The following USP4 variants were observed in gnomAD, a reference collection of about 807,000 sequenced individuals.
USP4 encodes ubiquitin carboxyl-terminal hydrolase 4.
In USP4, 72 loss-of-function variants were observed where a neutral mutation model predicts 118.2. That is an observed-to-expected ratio of 0.61 (90% CI 0.50 to 0.74). USP4 has a LOEUF of 0.74. Ranked by LOEUF, USP4 falls within the 30% of genes least tolerant of loss-of-function variation. USP4 has a pLI of 0.00. For synonymous variants in USP4, 415 were observed against 440.4 expected (o/e 0.94, Z 0.72); for missense variants, 1,037 against 1,185.7 (o/e 0.87, Z 1.84).
chr3:49,288,632 G>T (rs563912129), intron 15 of USP4, among the ~76,000 whole-genome samples: 1 of 152,032 alleles, frequency 6.6e-6, no homozygotes, highest in African/African-American at 2.4e-5. Flanking sequence ...CTGAGATCAC[G>T]CCATTGTATT....
rs140982038 is a variant in USP4 at position 49,335,752 on chromosome 3, C to T, written c.102-156G>A. Among the ~76,000 whole-genome samples, 19 of 152,368 alleles carry T rather than the reference C, an allele frequency of 1.2e-4. No homozygotes were observed. In the East Asian group the frequency reaches 3.5e-3, roughly 28 times the overall value. On this transcript the variant is annotated intron_variant, in intron 1 of 21. Coordinates refer to ENST00000265560, the MANE Select transcript of USP4 (RefSeq NM_003363.4). ...GAGCAAGAGCAGGGCCCAGGCCCCA[C>T]ATGGCACAGAGAGTCTGGCCCAGGG...
intron 3 of USP4, among the ~76,000 whole-genome samples, chr3:49,326,726 C>T (rs972603673): frequency 1.4e-5 from 2 of 141,536 alleles, no homozygotes; most frequent in African/African-American, 2.6e-5. Flanking sequence ...TTTTTGCAAC[C>T]GAGTCTCACT....
At chr3:49,292,400 C>T in intron 15 of USP4, 110 bp downstream of exon 15, 1 of 622,062 alleles carries the variant, frequency 1.6e-6, no homozygotes, top group Non-Finnish European at 2.6e-6. Flanking sequence ...GTAGGCAGAG[C>T]CCCAACCCAG....
chr3:49,277,283 A>T lies in USP4; in HGVS notation c.*1010T>A. On this transcript the variant is annotated 3_prime_UTR_variant, in exon 22 of 22. Transcript: ENST00000265560. ...CGGATTAGGTTGAAGGTCAGACAAA[A>T]AATCCCGGACCCATACGTCCGGTTC... 7.9e-7 allele frequency: 1 copy of T among 1,266,888 alleles called. No individual in the cohort carries two copies. The highest frequency in any genetic ancestry group is 1.2e-5 in the South Asian group (1 of 80,268). 78.5% of individuals were successfully genotyped at this position (1,266,888 alleles called of 1,614,324 possible).
chr3:49,277,297 T>TA lies in USP4; in HGVS notation c.*995dup. Reference sequence around the variant, plus strand: ...GGTCAGACAAAAAATCCCGGACCCATACGTCCGGTTCCTTAAGGCCTTGCC... The same window carrying TA: ...GGTCAGACAAAAAATCCCGGACCCATAACGTCCGGTTCCTTAAGGCCTTGCC... On this transcript the variant is annotated 3_prime_UTR_variant, in exon 22 of 22. Transcript: ENST00000265560. The TA allele has an allele frequency of 1.6e-6, 2 of 1,226,360 alleles. No homozygotes were observed. Among genetic ancestry groups the TA allele is most frequent in the Non-Finnish European group, 2.1e-6 (2 of 934,068 alleles). 76.0% of individuals were successfully genotyped at this position (1,226,360 alleles called of 1,614,324 possible).
Position 49,297,973 on chromosome 3 carries a change from G to A in USP4, c.1597-9C>T, listed in dbSNP as rs752067380. The A allele has an allele frequency of 1.3e-6, 2 of 1,595,462 alleles. No individual in the cohort carries two copies. The highest frequency in any genetic ancestry group is 2.2e-5 in the South Asian group (2 of 90,676). On this transcript the variant is annotated splice_polypyrimidine_tract_variant and intron_variant, in intron 12 of 21. Coordinates refer to ENST00000265560, the MANE Select transcript of USP4 (RefSeq NM_003363.4). Reference sequence around the variant, plus strand: ...ACATCTGCGACCACCATCTAAGAATGAACAGTAACAGAAAGACCACAGAAT... The same window carrying A: ...ACATCTGCGACCACCATCTAAGAATAAACAGTAACAGAAAGACCACAGAAT...
intron 8 of USP4, among the ~76,000 whole-genome samples, chr3:49,307,545 C>G (rs2047331978): frequency 6.6e-6 from 1 of 151,956 alleles, no homozygotes; most frequent in South Asian, 2.1e-4. Flanking sequence ...CCATTTGAAC[C>G]TCCCAAATCA....
At chr3:49,298,041 A>G in intron 12 of USP4, 77 bp from the exon 13 acceptor site, 1 of 953,148 alleles carries the variant, frequency 1.0e-6, no homozygotes, top group Non-Finnish European at 1.7e-6. Flanking sequence ...CCAGAAACAA[A>G]TGAAAAAAAA....
rs1345667253 is a variant in USP4, at chr3:49,339,999, T to C, written c.26A>G (p.Glu9Gly). The change falls in exon 1 of 22, where the codon GAG becomes GGG. Residue 9 changes from glutamate (E) to glycine (G), a missense_variant. Physicochemically the swap from Glu to Gly is moderately conservative, Grantham distance 98 (BLOSUM62 -2). Transcript: ENST00000265560. Reference sequence around the variant, plus strand: ...CTTCTGAGTCTCCGCATCCGGTCGCTCACGGCAGCCTCCACCTTCCGCCAT... The same window carrying C: ...CTTCTGAGTCTCCGCATCCGGTCGCCCACGGCAGCCTCCACCTTCCGCCAT... MAEGGGCR[E>G]RPDAETQKSE... 3.1e-6 allele frequency: 5 copies of C among 1,610,372 alleles called. No individual in the cohort carries two copies. In the African/African-American group the frequency reaches 4.0e-5, roughly 13 times the overall value.
intron 6 of USP4, among the ~76,000 whole-genome samples, chr3:49,319,954 G>C (rs1275067159): frequency 2.0e-5 from 3 of 151,880 alleles, no homozygotes; most frequent in Non-Finnish European, 4.4e-5. Context: ...CTCTTGCTCT[G>C]TCACCCAGGC....
intron 13 of USP4, among the ~76,000 whole-genome samples, chr3:49,294,854 G>A (rs1478844727): frequency 2.0e-5 from 3 of 152,080 alleles, no homozygotes; most frequent in East Asian, 1.9e-4. Context: ...TTCCAACCAC[G>A]GCCTCAAACT....
At chr3:49,296,811 G>A (rs2047214608) in intron 13 of USP4, among the ~76,000 whole-genome samples, 1 of 152,224 alleles carries the variant, frequency 6.6e-6, no homozygotes, top group Non-Finnish European at 1.5e-5. Flanking sequence ...TCCCCACAGG[G>A]TAATCCTCCA....
At position 49,339,996 on chromosome 3, in the gene USP4, C is replaced by A. The variant is rs757929395; in HGVS notation, c.29G>T (p.Arg10Leu). 47 of 1,610,964 alleles carry A rather than the reference C, an allele frequency of 2.9e-5. No individual in the cohort carries two copies. Among genetic ancestry groups the A allele is most frequent in the Middle Eastern group, 1.7e-4 (1 of 6,052 alleles). Residue 10 changes from arginine (R) to leucine (L), a missense_variant, in exon 1 of 22, where the codon CGA becomes CTA. This residue lies in a region of USP4 where 487 missense variants were observed against 534.1 expected (regional missense o/e 0.91). Coordinates refer to ENST00000265560, the MANE Select transcript of USP4 (RefSeq NM_003363.4). ...GGACTTCTGAGTCTCCGCATCCGGTCGCTCACGGCAGCCTCCACCTTCCGC... is the reference window on the plus strand; with the variant it reads ...GGACTTCTGAGTCTCCGCATCCGGTAGCTCACGGCAGCCTCCACCTTCCGC... MAEGGGCRE[R>L]PDAETQKSEL...
Position 49,311,519 on chromosome 3 carries a change from G to A in USP4, c.831C>T (p.Ser277=). 6.2e-7 allele frequency: 1 copy of A among 1,613,314 alleles called. No individual in the cohort carries two copies. The highest frequency in any genetic ancestry group is 8.5e-7 in the Non-Finnish European group (1 of 1,179,574). Residue 277 remains serine, a synonymous_variant, in exon 7 of 22, where the codon AGC becomes AGT. Coordinates refer to ENST00000265560, the MANE Select transcript of USP4 (RefSeq NM_003363.4). ...STCGMHSSGV[S]RGGSGFSASY... ...GTGAAAGGACCTGCTCTTACCCCCT[G>A]CTGACACCGGAACTGTGCATCCCAC...
chr3:49,307,615 A>G lies in USP4; in HGVS notation c.955-1727T>C, dbSNP rs887766713. ...GATTATCAATTTTATGAGGACAAAA[A>G]CCATTGCTGGTTTGCTTACCACTGA... On this transcript the variant is annotated intron_variant, in intron 8 of 21. Coordinates refer to ENST00000265560, the MANE Select transcript of USP4 (RefSeq NM_003363.4). Among the ~76,000 whole-genome samples, 11 of 151,896 alleles carry G rather than the reference A, an allele frequency of 7.2e-5. 1 individual carries two copies. The highest frequency in any genetic ancestry group is 7.2e-4 in the Admixed American group (11 of 15,200).
intron 2 of USP4, among the ~76,000 whole-genome samples, chr3:49,334,655 G>A (rs1360617638): frequency 6.6e-6 from 1 of 152,124 alleles, no homozygotes; most frequent in Non-Finnish European, 1.5e-5. Flanking sequence ...GAGGCAGGAA[G>A]ATAGCTTGAG....
chr3:49,321,019 T>C (rs2047494190), intron 6 of USP4, among the ~76,000 whole-genome samples: 1 of 152,182 alleles, frequency 6.6e-6, no homozygotes, highest in Non-Finnish European at 1.5e-5. Flanking sequence ...AGGTTTGATG[T>C]ATGATATCTG....
intron 6 of USP4, among the ~76,000 whole-genome samples, chr3:49,315,887 C>T (rs759794692): frequency 2.0e-5 from 3 of 152,142 alleles, no homozygotes; most frequent in African/African-American, 4.8e-5. Context: ...CTGAATGCTG[C>T]TCTGAGGATG....
intron 6 of USP4, chr3:49,317,204 C>T: frequency 6.7e-7 from 1 of 1,500,002 alleles, no homozygotes; most frequent in Non-Finnish European, 9.3e-7. Flanking sequence ...AGGTAGGTGG[C>T]CTCCGTCTCC....
Sources: allele counts gnomAD v4.1 joint callset (sites outside exome capture counted in the v4.1 genomes callset), GRCh38; gene constraint gnomAD v4.1.1; regional missense constraint gnomAD v4.1.1; transcripts MANE v1.5; gene names NCBI Gene and HGNC (gene_info 2026-07-23, HGNC 2026-07-21).